VPS13B: variants seen among roughly 807,000 people sequenced by gnomAD.
VPS13B encodes the protein intermembrane lipid transfer protein VPS13B.
In VPS13B, 285 loss-of-function variants were observed where a neutral mutation model predicts 426.4. That is an observed-to-expected ratio of 0.67 (90% CI 0.61 to 0.74). The LOEUF is 0.74. VPS13B is among the 30% of genes least tolerant of loss of function. The probability of loss-of-function intolerance (pLI) is 0.00; values close to 1 mark genes in which losing one functional copy is unlikely to be tolerated. For synonymous variants in VPS13B, 1,676 were observed against 1,676.4 expected, an observed-to-expected ratio of 1.00 and a Z score of 0.01; for missense variants, 4,537 against 4,782.6, an observed-to-expected ratio of 0.95 and a Z score of 1.51.
intron 39 of VPS13B, among the ~76,000 whole-genome samples, chr8:99,764,870 T>A (rs1414195765): frequency 6.6e-6 from 1 of 152,214 alleles, no homozygotes; most frequent in African/African-American, 2.4e-5. Context: ...CACATATGTA[T>A]ATACATATAT....
chr8:99,569,851 A>T (rs576582728), intron 31 of VPS13B, among the ~76,000 whole-genome samples: 1 of 151,924 alleles, frequency 6.6e-6, no homozygotes, highest in African/African-American at 2.4e-5. Context: ...TCACATGATT[A>T]TTTTTCTGTT....
At chr8:99,405,582 A>G (rs1815275910) in intron 21 of VPS13B, among the ~76,000 whole-genome samples, 2 of 151,946 alleles carry the variant, frequency 1.3e-5, no homozygotes, top group South Asian at 4.2e-4. Context: ...CTTATTAAAA[A>G]CCTAAATTAG....
intron 19 of VPS13B, among the ~76,000 whole-genome samples, chr8:99,276,297 T>TCA (rs1182135957): frequency 6.6e-6 from 1 of 152,146 alleles, no homozygotes; most frequent in Non-Finnish European, 1.5e-5. Flanking sequence ...AAGGATGCTG[T>TCA]CTGTCAGCAT....
intron 4 of VPS13B, among the ~76,000 whole-genome samples, chr8:99,098,096 G>A (rs1400620526): frequency 6.6e-6 from 1 of 152,126 alleles, no homozygotes; most frequent in Non-Finnish European, 1.5e-5. Flanking sequence ...TATTGATGTG[G>A]TTGTATTTAC....
intron 34 of VPS13B, among the ~76,000 whole-genome samples, chr8:99,656,810 C>T (rs1319772906): frequency 6.6e-6 from 1 of 152,186 alleles, no homozygotes; most frequent in African/African-American, 2.4e-5. Flanking sequence ...CAAAGGCATA[C>T]TTACCTCTAT....
At position 99,642,225 on chromosome 8, in the gene VPS13B, A is replaced by G; in HGVS notation, c.5635A>G (p.Ser1879Gly). ...GACAGCAGAAGATCTCTTAAGGAGC[A>G]GCATTTCTTTTCCTTCAGGGAAAAA... Reference protein sequence around the residue: ...TVTAEDLLRSSISFPSGKKIG... With the variant: ...TVTAEDLLRSGISFPSGKKIG... Residue 1879 changes from serine (S) to glycine (G), a missense_variant, in exon 34 of 62, where the codon AGC becomes GGC. Physicochemically the swap from Ser to Gly is moderately conservative, Grantham distance 56. Transcript: ENST00000357162. 1 of 1,614,176 alleles carries G rather than the reference A, an allele frequency of 6.2e-7. No homozygotes were observed. Among genetic ancestry groups the G allele is most frequent in the Non-Finnish European group, 8.5e-7 (1 of 1,180,036 alleles).
At chr8:99,219,358 T>C (rs1031125130) in intron 17 of VPS13B, among the ~76,000 whole-genome samples, 1 of 152,232 alleles carries the variant, frequency 6.6e-6, no homozygotes, top group East Asian at 1.9e-4. Context: ...AATCAGACTC[T>C]GACATTTTGG....
intron 4 of VPS13B, among the ~76,000 whole-genome samples, chr8:99,096,956 G>C (rs531774425): frequency 4.7e-4 from 72 of 152,268 alleles, no homozygotes; most frequent in Admixed American, 9.8e-4. Flanking sequence ...TTTTAGGCCA[G>C]ACTTTGGATT....
intron 5 of VPS13B, among the ~76,000 whole-genome samples, chr8:99,110,324 C>T (rs1847294171): frequency 6.6e-6 from 1 of 152,078 alleles, no homozygotes; most frequent in Admixed American, 6.6e-5. Flanking sequence ...AATTGCTTAT[C>T]AGTTAAGAAA....
At chr8:99,053,840 T>G (rs961427139) in intron 3 of VPS13B, among the ~76,000 whole-genome samples, 7 of 151,962 alleles carry the variant, frequency 4.6e-5, no homozygotes, top group Admixed American at 4.6e-4. Flanking sequence ...GTAGCTGGGA[T>G]TACAGGCGAC....
At chr8:99,496,351 A>C (rs1185007241) in intron 25 of VPS13B, among the ~76,000 whole-genome samples, 1 of 152,194 alleles carries the variant, frequency 6.6e-6, no homozygotes, top group African/African-American at 2.4e-5. Context: ...AAAAACTGCC[A>C]TTAAAAGCAC....
intron 2 of VPS13B, among the ~76,000 whole-genome samples, chr8:99,031,322 T>C (rs1842499139): frequency 6.6e-6 from 1 of 152,226 alleles, no homozygotes; most frequent in African/African-American, 2.4e-5. Context: ...TTGAATTAAC[T>C]ATCTGTATTC....
At chr8:99,117,421 A>G (rs1026547533) in intron 7 of VPS13B, among the ~76,000 whole-genome samples, 1 of 152,160 alleles carries the variant, frequency 6.6e-6, no homozygotes, top group Non-Finnish European at 1.5e-5. Context: ...TACCATGTTG[A>G]CCCAGCAATT....
chr8:99,244,544 G>T (rs59148253), intron 17 of VPS13B, among the ~76,000 whole-genome samples: 1 of 152,104 alleles, frequency 6.6e-6, no homozygotes, highest in Non-Finnish European at 1.5e-5. Flanking sequence ...ACAAAAATTC[G>T]TATGGAGAAA....
intron 17 of VPS13B, among the ~76,000 whole-genome samples, chr8:99,273,090 C>G (rs1156298674): frequency 1.3e-5 from 2 of 151,912 alleles, no homozygotes; most frequent in Non-Finnish European, 2.9e-5. Flanking sequence ...GGATCCTCAA[C>G]CTGTATTTTG....
intron 17 of VPS13B, among the ~76,000 whole-genome samples, chr8:99,241,669 GA>G (rs1445387248): frequency 2.0e-5 from 3 of 152,054 alleles, no homozygotes; most frequent in Admixed American, 1.3e-4. Context: ...AAAAATAGTG[GA>G]AAAGCCAGTT....
Position 99,584,842 on chromosome 8 carries a change from A to T in VPS13B, c.5220+7209A>T, listed in dbSNP as rs1563809967. ...TTATGGATACTAGGGTGACAGCATTAAACAAAAGAGGTAATATTTCTGCTT... is the reference window on the plus strand; with the variant it reads ...TTATGGATACTAGGGTGACAGCATTTAACAAAAGAGGTAATATTTCTGCTT... On this transcript the variant is annotated intron_variant, in intron 33 of 61. Coordinates refer to ENST00000357162, the MANE Select transcript of VPS13B (RefSeq NM_152564.5). Among the ~76,000 whole-genome samples the T allele has an allele frequency of 2.0e-5, 3 of 152,168 alleles. No individual in the cohort carries two copies. In the South Asian group the frequency reaches 6.2e-4, roughly 31 times the overall value.
chr8:99,644,639 A>G (rs1829507298), intron 34 of VPS13B, among the ~76,000 whole-genome samples: 1 of 148,672 alleles, frequency 6.7e-6, no homozygotes, highest in Admixed American at 6.7e-5. Context: ...TAATATTCTC[A>G]TGGATGCCTT....
intron 44 of VPS13B, among the ~76,000 whole-genome samples, chr8:99,811,777 A>G (rs1286830196): frequency 6.6e-6 from 1 of 152,132 alleles, no homozygotes; most frequent in African/African-American, 2.4e-5. Flanking sequence ...CTGTGAATCA[A>G]TTTCCTCATC....
Sources: gnomAD v4.1 joint callset for allele counts (sites outside exome capture counted in the v4.1 genomes callset) on GRCh38, gnomAD v4.1.1 for gene constraint, MANE v1.5 for transcripts, NCBI Gene and HGNC (gene_info 2026-07-23, HGNC 2026-07-21) for gene names.